ICA1: variants seen among roughly 807,000 people sequenced by gnomAD.
ICA1 encodes 69 kDa islet cell autoantigen.
In ICA1, 40 loss-of-function variants were observed where a neutral mutation model predicts 71.0. The observed-to-expected ratio is 0.56, with a 90% CI of 0.44 to 0.73. ICA1 has a LOEUF of 0.73. ICA1 is among the 30% of genes least tolerant of loss of function. ICA1 has a pLI of 0.00. For synonymous variants in ICA1, 207 were observed against 209.5 expected, an observed-to-expected ratio of 0.99 and a Z score of 0.10; for missense variants, 578 against 576.5, an observed-to-expected ratio of 1.00 and a Z score of -0.03.
At chr7:8,199,780 C>T (rs1321655809) in intron 6 of ICA1, among the ~76,000 whole-genome samples, 2 of 152,124 alleles carry the variant, frequency 1.3e-5, no homozygotes, top group Non-Finnish European at 2.9e-5. Flanking sequence ...AACTGGAGGT[C>T]ATTATGTTAA....
chr7:8,177,634 T>G (rs1781019695), intron 6 of ICA1, among the ~76,000 whole-genome samples: 1 of 152,230 alleles, frequency 6.6e-6, no homozygotes, highest in Non-Finnish European at 1.5e-5. Flanking sequence ...TTCTGTCTCT[T>G]GGCTGCCTAA....
intron 5 of ICA1, 92 bp from the exon 6 acceptor site, chr7:8,218,595 G>T: frequency 1.0e-6 from 1 of 966,248 alleles, no homozygotes; most frequent in Non-Finnish European, 1.6e-6. Flanking sequence ...CGTGAGTCTA[G>T]AACAGTACCT....
intron 8 of ICA1, among the ~76,000 whole-genome samples, chr7:8,152,926 C>G (rs111787846): frequency 4.7e-5 from 7 of 150,356 alleles, no homozygotes; most frequent in South Asian, 2.1e-4. Context: ...ACTACCCCCA[C>G]CACTACCACC....
At chr7:8,209,748 T>TGG (rs35806976) in intron 6 of ICA1, among the ~76,000 whole-genome samples, 4 of 152,072 alleles carry the variant, frequency 2.6e-5, no homozygotes, top group Admixed American at 6.5e-5. Flanking sequence ...AAAGGCTCCC[T>TGG]GAGGGTCACG....
intron 13 of ICA1, among the ~76,000 whole-genome samples, chr7:8,121,785 G>A (rs1197804016): frequency 6.6e-6 from 1 of 152,128 alleles, no homozygotes; most frequent in African/African-American, 2.4e-5. Flanking sequence ...CAAGAAATGA[G>A]AAATGCTTGA....
At chr7:8,216,594 AT>A (rs1563049490) in intron 6 of ICA1, among the ~76,000 whole-genome samples, 3 of 151,850 alleles carry the variant, frequency 2.0e-5, no homozygotes, top group Admixed American at 6.6e-5. Context: ...CAAAAAAAAA[AT>A]TCCACATAAA....
rs41282703 is a variant in ICA1, at chr7:8,221,453, G to T, written c.257-55C>A. On this transcript the variant is annotated intron_variant, in intron 4 of 13. Coordinates refer to ENST00000402384, the MANE Select transcript of ICA1 (RefSeq NM_001136020.3). ...GAACAATGAGCATTTTGATTGCAAA[G>T]GGAACAAGAAAGACAAATCACAAGG... is the stretch of plus-strand genomic sequence containing the variant. The T allele has an allele frequency of 0.058, 92,870 of 1,596,374 alleles. 3,131 individuals carry two copies. Among genetic ancestry groups the T allele is most frequent in the Non-Finnish European group, 0.067 (77,960 of 1,166,314 alleles).
chr7:8,235,176 T>C (rs907543806), intron 2 of ICA1, among the ~76,000 whole-genome samples: 12 of 151,186 alleles, frequency 7.9e-5, no homozygotes, highest in African/African-American at 2.9e-4. Flanking sequence ...AAAAAAAAAA[T>C]GTATTATTAT....
At chr7:8,258,982 A>G (rs1811256342) in intron 1 of ICA1, among the ~76,000 whole-genome samples, 1 of 152,202 alleles carries the variant, frequency 6.6e-6, no homozygotes, top group Admixed American at 6.5e-5. Flanking sequence ...GTGAAGGAAG[A>G]GGACAGAGGC....
chr7:8,243,899 T>C (rs569198493), intron 1 of ICA1, among the ~76,000 whole-genome samples: 1 of 152,294 alleles, frequency 6.6e-6, no homozygotes, highest in African/African-American at 2.4e-5. Flanking sequence ...TACAAACCAC[T>C]GCTCAACGAA....
chr7:8,139,719 C>T (rs1036613884), intron 10 of ICA1, among the ~76,000 whole-genome samples: 2 of 152,138 alleles, frequency 1.3e-5, no homozygotes, highest in African/African-American at 4.8e-5. Flanking sequence ...AACAAATATA[C>T]CACCTGGTGT....
intron 8 of ICA1, among the ~76,000 whole-genome samples, chr7:8,154,998 T>C (rs776459998): frequency 2.0e-5 from 3 of 152,192 alleles, no homozygotes; most frequent in African/African-American, 7.2e-5. Flanking sequence ...GAAAAACCCG[T>C]AATTACTTTT....
At chr7:8,178,253 T>C (rs1286790704) in intron 6 of ICA1, among the ~76,000 whole-genome samples, 2 of 152,206 alleles carry the variant, frequency 1.3e-5, no homozygotes, top group Non-Finnish European at 2.9e-5. Context: ...AGGAAGCACA[T>C]ATCTTGATTC....
At chr7:8,240,973 C>T (rs936720597) in intron 1 of ICA1, among the ~76,000 whole-genome samples, 1 of 152,090 alleles carries the variant, frequency 6.6e-6, no homozygotes, top group Non-Finnish European at 1.5e-5. Context: ...AGAATGGAAC[C>T]AAGCTGGAAA....
chr7:8,251,872 C>T lies in ICA1; in HGVS notation c.-80+10222G>A, dbSNP rs113492434. ...CAAACCAGAAAACTCAAACTGCTCACAAAAAGTGTGGTCTAGGTCTTGCTC... is the reference window on the plus strand; with the variant it reads ...CAAACCAGAAAACTCAAACTGCTCATAAAAAGTGTGGTCTAGGTCTTGCTC... On this transcript the variant is annotated intron_variant, in intron 1 of 13. Coordinates refer to ENST00000402384, the MANE Select transcript of ICA1 (RefSeq NM_001136020.3). Among the ~76,000 whole-genome samples the T allele has an allele frequency of 4.1e-3, 618 of 152,220 alleles. 8 individuals carry two copies. Among genetic ancestry groups the T allele is most frequent in the African/African-American group, 0.014 (585 of 41,528 alleles).
At chr7:8,215,299 C>T (rs919347149) in intron 6 of ICA1, among the ~76,000 whole-genome samples, 4 of 152,172 alleles carry the variant, frequency 2.6e-5, no homozygotes, top group Admixed American at 6.5e-5. Flanking sequence ...AAAGGCCTTT[C>T]GTAAATTGCT....
At chr7:8,211,734 C>G (rs530472294) in intron 6 of ICA1, among the ~76,000 whole-genome samples, 3 of 152,326 alleles carry the variant, frequency 2.0e-5, no homozygotes, top group Admixed American at 6.5e-5. Context: ...CTCACACTTT[C>G]TTAATCTCAA....
At chr7:8,240,393 C>T (rs1191070403) in intron 1 of ICA1, among the ~76,000 whole-genome samples, 1 of 152,126 alleles carries the variant, frequency 6.6e-6, no homozygotes, top group Admixed American at 6.5e-5. Flanking sequence ...AGGACATTCA[C>T]ACCAAAACCC....
At chr7:8,162,749 C>T (rs181310226) in intron 6 of ICA1, among the ~76,000 whole-genome samples, 1 of 152,196 alleles carries the variant, frequency 6.6e-6, no homozygotes, top group Admixed American at 6.5e-5. Flanking sequence ...CTCTTATTCT[C>T]CAAGTTGTAG....
Sources: gnomAD v4.1 joint callset for allele counts (sites outside exome capture counted in the v4.1 genomes callset) on GRCh38, gnomAD v4.1.1 for gene constraint, MANE v1.5 for transcripts, NCBI Gene and HGNC (gene_info 2026-07-23, HGNC 2026-07-21) for gene names.